Variants in APBB2 observed in about 807,000 individuals in gnomAD.
The protein encoded by APBB2 is amyloid beta precursor protein binding family B member 2, also known as Fe65-like 1.
APBB2 carries 38 observed loss-of-function variants against 82.5 expected under a neutral mutation model. That is an observed-to-expected ratio of 0.46 (90% CI 0.36 to 0.60). The LOEUF (loss-of-function observed/expected upper bound fraction) is 0.60. Ranked by LOEUF, APBB2 falls within the 20% of genes least tolerant of loss-of-function variation. The probability of loss-of-function intolerance (pLI) is 0.00; values close to 1 mark genes in which losing one functional copy is unlikely to be tolerated. For synonymous variants in APBB2, 341 were observed against 368.2 expected (o/e 0.93, Z 0.85); for missense variants, 772 against 972.3 (o/e 0.79, Z 2.74).
At chr4:41,050,222 C>T (rs1196783214) in intron 4 of APBB2, among the ~76,000 whole-genome samples, 1 of 152,150 alleles carries the variant, frequency 6.6e-6, no homozygotes, top group Non-Finnish European at 1.5e-5. Context: ...ATTCTCCCTC[C>T]CTCCTAGTAT....
chr4:40,987,425 C>G (rs1456125132), intron 6 of APBB2, among the ~76,000 whole-genome samples: 1 of 152,208 alleles, frequency 6.6e-6, no homozygotes, highest in Non-Finnish European at 1.5e-5. Context: ...ACAAATTATA[C>G]TGAACCTATT....
At chr4:41,015,728 G>A (rs952446337) in intron 5 of APBB2, among the ~76,000 whole-genome samples, 2 of 152,164 alleles carry the variant, frequency 1.3e-5, no homozygotes, top group African/African-American at 4.8e-5. Context: ...AACCCCAAGG[G>A]TTAGGATCTT....
intron 1 of APBB2, among the ~76,000 whole-genome samples, chr4:41,181,211 T>G (rs1387888264): frequency 6.6e-6 from 1 of 152,166 alleles, no homozygotes; most frequent in Non-Finnish European, 1.5e-5. Flanking sequence ...TCCTAAACTG[T>G]TTCACCAAGC....
chr4:40,870,301 G>A (rs1161214951), intron 12 of APBB2, among the ~76,000 whole-genome samples: 1 of 152,192 alleles, frequency 6.6e-6, no homozygotes, highest in Non-Finnish European at 1.5e-5. Flanking sequence ...AGCGCAGAGG[G>A]AGGGACAACA....
intron 3 of APBB2, among the ~76,000 whole-genome samples, chr4:41,094,275 G>C (rs918996121): frequency 2.6e-5 from 4 of 152,176 alleles, no homozygotes; most frequent in African/African-American, 9.7e-5. Context: ...ACCTGCTGCA[G>C]CAATGAAGCA....
intron 2 of APBB2, among the ~76,000 whole-genome samples, chr4:41,102,032 T>C (rs762269938): frequency 4.0e-5 from 6 of 150,528 alleles, no homozygotes; most frequent in Non-Finnish European, 5.9e-5. Context: ...TCTAAGGCAA[T>C]AAAATCATTA....
intron 5 of APBB2, among the ~76,000 whole-genome samples, chr4:41,032,816 G>A (rs1373236212): frequency 2.3e-5 from 2 of 88,340 alleles, no homozygotes. Flanking sequence ...ACGGAGTTTC[G>A]CTCTGTCGCC....
At chr4:41,147,749 T>C (rs1761193344) in intron 1 of APBB2, among the ~76,000 whole-genome samples, 1 of 151,950 alleles carries the variant, frequency 6.6e-6, no homozygotes, top group South Asian at 2.1e-4. Flanking sequence ...TCAGACTTTT[T>C]TGTTTTTACT....
At chr4:40,887,377 C>T (rs1770625000) in intron 12 of APBB2, among the ~76,000 whole-genome samples, 2 of 152,188 alleles carry the variant, frequency 1.3e-5, no homozygotes, top group Admixed American at 6.5e-5. Context: ...ATTTTAACCA[C>T]ATCAAGAAAT....
At chr4:41,205,488 T>C (rs560937236) in intron 1 of APBB2, among the ~76,000 whole-genome samples, 2 of 152,020 alleles carry the variant, frequency 1.3e-5, no homozygotes, top group South Asian at 4.2e-4. Flanking sequence ...TAAATTTGGG[T>C]CCCTGGGAAA....
In APBB2 at chr4:41,150,844, G is replaced by A. The variant is rs536901085; in HGVS notation, c.-416-7702C>T. ...CAACCTCCACCTACCAGGTTCAAGC[G>A]ATTCTCCTGCCTCAGCCTCCCGAGT... On this transcript the variant is annotated intron_variant, in intron 1 of 17. Coordinates refer to ENST00000508593, the MANE Select transcript of APBB2 (RefSeq NM_004307.2). Among the ~76,000 whole-genome samples the A allele has an allele frequency of 1.2e-4, 18 of 152,206 alleles. No individual in the cohort carries two copies. In the South Asian group the frequency reaches 1.9e-3, roughly 16 times the overall value.
chr4:40,880,562 G>A (rs1422461414), intron 12 of APBB2: 2 of 985,310 alleles, frequency 2.0e-6, no homozygotes, highest in South Asian at 4.7e-5. Flanking sequence ...GTTTACATGG[G>A]TTGTTAGGCT....
intron 2 of APBB2, among the ~76,000 whole-genome samples, chr4:41,111,534 T>C (rs548888390): frequency 6.6e-6 from 1 of 152,368 alleles, no homozygotes; most frequent in East Asian, 1.9e-4. Context: ...TGACTAGACA[T>C]AATTTCACAG....
At chr4:40,816,777 T>G (rs1176290621) in intron 17 of APBB2, among the ~76,000 whole-genome samples, 1 of 152,132 alleles carries the variant, frequency 6.6e-6, no homozygotes, top group Non-Finnish European at 1.5e-5. Flanking sequence ...GTGTTATGAT[T>G]AAGTAAGTAA....
chr4:41,093,348 T>A (rs901609509), intron 3 of APBB2, among the ~76,000 whole-genome samples: 1 of 152,164 alleles, frequency 6.6e-6, no homozygotes, highest in African/African-American at 2.4e-5. Flanking sequence ...GAGATAAACA[T>A]AGGCTATAAC....
chr4:40,964,629 TA>T (rs1794147979), intron 6 of APBB2, among the ~76,000 whole-genome samples: 1 of 151,800 alleles, frequency 6.6e-6, no homozygotes, highest in African/African-American at 2.4e-5. Context: ...AGGGGAAAGG[TA>T]AAATGTGTTG....
intron 10 of APBB2, among the ~76,000 whole-genome samples, chr4:40,911,173 T>G (rs1354295606): frequency 6.6e-6 from 1 of 152,242 alleles, no homozygotes; most frequent in East Asian, 1.9e-4. Context: ...AAATGCAGAT[T>G]GAAAATAGAG....
intron 11 of APBB2, chr4:40,892,661 G>A (rs1295998214): frequency 1.3e-5 from 2 of 152,188 alleles, no homozygotes; most frequent in South Asian, 4.1e-4. Flanking sequence ...AGCTTTTCCG[G>A]TTTGATGTGA....
chr4:41,192,964 G>T (rs1050623804), intron 1 of APBB2, among the ~76,000 whole-genome samples: 7 of 152,106 alleles, frequency 4.6e-5, no homozygotes, highest in Non-Finnish European at 7.4e-5. Flanking sequence ...CGCCAAGTGG[G>T]GTGGCCTGAG....
Sources: gnomAD v4.1 joint callset for allele counts (sites outside exome capture counted in the v4.1 genomes callset) on GRCh38, gnomAD v4.1.1 for gene constraint, MANE v1.5 for transcripts, NCBI Gene and HGNC (gene_info 2026-07-23, HGNC 2026-07-21) for gene names.